BLTP3B: variants seen among roughly 807,000 people sequenced by gnomAD.
The protein encoded by BLTP3B is UHRF1 (ICBP90) binding protein 1-like.
chr12:100,133,907 CA>C, the BLTP3B span, among the ~76,000 whole-genome samples: 2 of 152,146 alleles, frequency 1.3e-5, no homozygotes, highest in Admixed American at 6.6e-5. Flanking sequence ...ACTTTTATTA[CA>C]ATATACAGAT....
chr12:100,045,844 A>C, the BLTP3B span, among the ~76,000 whole-genome samples: 3 of 152,250 alleles, frequency 2.0e-5, no homozygotes, highest in East Asian at 5.8e-4. Context: ...CAAAGGGTTA[A>C]TATCGAGAAT....
At chr12:100,059,497 G>C in the BLTP3B span, 1 of 1,604,872 alleles carries the variant, frequency 6.2e-7, no homozygotes, top group Non-Finnish European at 8.5e-7. Context: ...GGCTGATCTT[G>C]ATGACATTCA....
the BLTP3B span, among the ~76,000 whole-genome samples, chr12:100,069,357 G>A: frequency 2.0e-5 from 3 of 152,070 alleles, no homozygotes; most frequent in Non-Finnish European, 4.4e-5. Context: ...ATTACAAAAC[G>A]TGGAACCAAC....
chr12:100,090,105 T>C, the BLTP3B span, among the ~76,000 whole-genome samples: 2 of 152,218 alleles, frequency 1.3e-5, no homozygotes, highest in African/African-American at 4.8e-5. Context: ...GGTATGTCTT[T>C]ATCAGCAGCG....
the BLTP3B span, chr12:100,098,408 G>A: frequency 6.2e-7 from 1 of 1,613,470 alleles, no homozygotes; most frequent in Non-Finnish European, 8.5e-7. Context: ...TGTTCCCAGT[G>A]TGCATTTACA....
chr12:100,058,132 C>CT, the BLTP3B span: 1 of 1,613,476 alleles, frequency 6.2e-7, no homozygotes, highest in East Asian at 2.2e-5. Flanking sequence ...AAATCTTCAG[C>CT]TTTAAAGATG....
chr12:100,122,365 G>T, the BLTP3B span, among the ~76,000 whole-genome samples: 534 of 152,240 alleles, frequency 3.5e-3, 3 homozygotes, highest in African/African-American at 0.012. Flanking sequence ...GTCAAATGCT[G>T]AAGGTCACAC....
chr12:100,126,397 T>A, the BLTP3B span, among the ~76,000 whole-genome samples: 2 of 151,822 alleles, frequency 1.3e-5, no homozygotes, highest in Non-Finnish European at 2.9e-5. Context: ...TACACATCAA[T>A]GTTTTTCCCA....
the BLTP3B span, among the ~76,000 whole-genome samples, chr12:100,104,193 G>GTTCTTTT: frequency 2.1e-3 from 308 of 145,518 alleles, 2 homozygotes; most frequent in African/African-American, 7.3e-3. Flanking sequence ...GAAATTGTAA[G>GTTCTTTT]TTCTTTTTTT....
At chr12:100,126,834 G>A in the BLTP3B span, among the ~76,000 whole-genome samples, 1 of 152,260 alleles carries the variant, frequency 6.6e-6, no homozygotes, top group East Asian at 1.9e-4. Flanking sequence ...AAATCTTACT[G>A]ATATCTACTT....
the BLTP3B span, chr12:100,086,505 T>A: frequency 1.7e-6 from 1 of 592,288 alleles, no homozygotes. Flanking sequence ...TTAGGAAATA[T>A]AATTCAATCC....
the BLTP3B span, among the ~76,000 whole-genome samples, chr12:100,096,424 C>T: frequency 6.6e-6 from 1 of 152,004 alleles, no homozygotes; most frequent in Admixed American, 6.6e-5. Context: ...TATATAATTA[C>T]TTGTATTAAT....
chr12:100,119,434 T>C, the BLTP3B span, among the ~76,000 whole-genome samples: 1 of 152,148 alleles, frequency 6.6e-6, no homozygotes, highest in South Asian at 2.1e-4. Flanking sequence ...TTGAGAGAAA[T>C]GACATACTGA....
chr12:100,054,552 T>C, the BLTP3B span, among the ~76,000 whole-genome samples: 8 of 152,116 alleles, frequency 5.3e-5, no homozygotes, highest in Non-Finnish European at 7.4e-5. Context: ...ATTTTGATCA[T>C]AGGACAAAAA....
the BLTP3B span, among the ~76,000 whole-genome samples, chr12:100,067,889 G>A: frequency 5.3e-5 from 8 of 152,248 alleles, no homozygotes; most frequent in South Asian, 1.5e-3. Flanking sequence ...GCTCATTGAT[G>A]GGTGGAATCA....
the BLTP3B span, chr12:100,097,235 G>T: frequency 1.1e-6 from 1 of 871,868 alleles, no homozygotes; most frequent in Non-Finnish European, 1.7e-6. Flanking sequence ...TATGCCACTG[G>T]TAATATGCCA....
the BLTP3B span, among the ~76,000 whole-genome samples, chr12:100,076,958 T>C: frequency 6.6e-6 from 1 of 152,224 alleles, no homozygotes; most frequent in East Asian, 1.9e-4. Flanking sequence ...GTTGCGTATA[T>C]ATATGTGGGG....
the BLTP3B span, chr12:100,060,161 G>T: frequency 6.1e-6 from 5 of 813,056 alleles, no homozygotes; most frequent in Non-Finnish European, 8.7e-6. Flanking sequence ...CAAATTTGAG[G>T]TATTATTTAC....
At chr12:100,101,367 GAGTA>G in the BLTP3B span, among the ~76,000 whole-genome samples, 10 of 152,162 alleles carry the variant, frequency 6.6e-5, no homozygotes, top group African/African-American at 1.2e-4. Flanking sequence ...TGTAAAACAG[GAGTA>G]AGTGAGTGTG....
Sources: gnomAD v4.1 joint callset for allele counts (sites outside exome capture counted in the v4.1 genomes callset) on GRCh38, gnomAD v4.1.1 for gene constraint, MANE v1.5 for transcripts, NCBI Gene and HGNC (gene_info 2026-07-23, HGNC 2026-07-21) for gene names.